The following GSG1L variants were observed in gnomAD, a reference collection of about 807,000 sequenced individuals.
GSG1L encodes GSG1 like.
A neutral mutation model predicts 42.1 loss-of-function variants in GSG1L; 24 were observed. The observed-to-expected ratio is 0.57, with a 90% CI of 0.41 to 0.80. GSG1L has a LOEUF of 0.80. Ranked by LOEUF, GSG1L falls within the 30% of genes least tolerant of loss-of-function variation. GSG1L has a pLI of 0.00. For synonymous variants in GSG1L, 215 were observed against 203.5 expected (o/e 1.06, Z -0.48); for missense variants, 445 against 472.2 (o/e 0.94, Z 0.53).
At chr16:27,792,803 A>C (rs577867849) in intron 6 of GSG1L, among the ~76,000 whole-genome samples, 11 of 152,206 alleles carry the variant, frequency 7.2e-5, no homozygotes, top group African/African-American at 2.6e-4. Context: ...GGTGTGGTGG[A>C]GTGGGGCTGG....
intron 5 of GSG1L, among the ~76,000 whole-genome samples, chr16:27,823,650 A>C (rs705912): frequency 6.6e-6 from 1 of 151,804 alleles, no homozygotes; most frequent in East Asian, 1.9e-4. Context: ...GTCCCACAGA[A>C]TGCATCATAC....
rs914516439 is a variant in GSG1L, at chr16:27,823,168, C to T, written c.830+5621G>A. Among the ~76,000 whole-genome samples, 7 of 152,136 alleles carry T rather than the reference C, an allele frequency of 4.6e-5. No individual in the cohort carries two copies. In the East Asian group the frequency reaches 5.8e-4, roughly 13 times the overall value. On this transcript the variant is annotated intron_variant, in intron 5 of 6. Transcript: ENST00000447459. ...CTCCCCTTGGGAGGCCCGATTAAGA[C>T]GAAGGAGGGGACGACAGGCAGGGTG...
chr16:27,807,020 C>G (rs2082971933), intron 6 of GSG1L, among the ~76,000 whole-genome samples: 1 of 152,234 alleles, frequency 6.6e-6, no homozygotes. Context: ...CTGATCCTGA[C>G]ATTTGTTTTC....
In GSG1L at chr16:27,828,964, G is replaced by A; in HGVS notation, c.663-8C>T. On this transcript the variant is annotated splice_polypyrimidine_tract_variant and splice_region_variant and intron_variant, in intron 4 of 6. Transcript: ENST00000447459. ...AAGGAGCCCCACGCCAGGCTGCCAA[G>A]AGATCAGGAGAGAGATGCCATCGTG... 1.9e-6 allele frequency: 3 copies of A among 1,613,568 alleles called. No individual in the cohort carries two copies. Among genetic ancestry groups the A allele is most frequent in the South Asian group, 1.1e-5 (1 of 91,028 alleles).
At chr16:27,792,624 CA>C (rs2082767977) in intron 6 of GSG1L, among the ~76,000 whole-genome samples, 1 of 152,174 alleles carries the variant, frequency 6.6e-6, no homozygotes, top group African/African-American at 2.4e-5. Context: ...CTCCCCCTGG[CA>C]CTCAGGGATC....
At chr16:27,916,431 T>C (rs986476498) in intron 2 of GSG1L, among the ~76,000 whole-genome samples, 1 of 151,682 alleles carries the variant, frequency 6.6e-6, no homozygotes, top group South Asian at 2.1e-4. Flanking sequence ...TCCTCCCACC[T>C]CAGCCTCCCA....
At chr16:27,850,652 T>TA in intron 3 of GSG1L, 1 of 449,574 alleles carries the variant, frequency 2.2e-6, no homozygotes, top group South Asian at 1.6e-5. Context: ...AGGAGGAGGG[T>TA]AAATGATAGA....
rs117733442 is a variant in GSG1L at position 28,040,793 on chromosome 16, C to T, written c.349+22283G>A. ...CCCAGGCAGGGTAGTGCTGACTGGC[C>T]GCCAGGGCATCTCCTAGAATCAGTT... is the stretch of plus-strand genomic sequence containing the variant. On this transcript the variant is annotated intron_variant, in intron 1 of 6. Transcript: ENST00000447459. This position sits in a 1 kb window ranked among gnomAD's most constrained non-coding sequence, Gnocchi z 4.1. 2.5e-3 allele frequency among the ~76,000 whole-genome samples: 380 copies of T among 152,232 alleles called. 13 individuals carry two copies. The East Asian group carries it at 0.066, about 27-fold the overall frequency.
intron 2 of GSG1L, among the ~76,000 whole-genome samples, chr16:27,947,378 G>A (rs144371550): frequency 3.2e-5 from 3 of 94,138 alleles, no homozygotes; most frequent in Non-Finnish European, 6.5e-5. Context: ...GAGAAAGAAA[G>A]AAAGAAAAAG....
intron 2 of GSG1L, among the ~76,000 whole-genome samples, chr16:27,908,949 C>T (rs1400211008): frequency 6.6e-6 from 1 of 152,186 alleles, no homozygotes; most frequent in Non-Finnish European, 1.5e-5. Flanking sequence ...TCTCTATGCC[C>T]TTACAGCCCC....
At chr16:27,804,070 GATAGATAGAT>G (rs1567460791) in intron 6 of GSG1L, among the ~76,000 whole-genome samples, 1 of 151,632 alleles carries the variant, frequency 6.6e-6, no homozygotes, top group Non-Finnish European at 1.5e-5. Context: ...TAGATAGATA[GATAGATAGAT>G]AAAGAAATAG....
At chr16:27,909,053 T>A (rs1304819115) in intron 2 of GSG1L, among the ~76,000 whole-genome samples, 1 of 152,118 alleles carries the variant, frequency 6.6e-6, no homozygotes, top group Non-Finnish European at 1.5e-5. Flanking sequence ...TCATTTAACA[T>A]TTCTAAACCT....
At chr16:28,012,844 T>C (rs2085737145) in intron 1 of GSG1L, among the ~76,000 whole-genome samples, 1 of 150,814 alleles carries the variant, frequency 6.6e-6, no homozygotes, top group Non-Finnish European at 1.5e-5. Context: ...CTGCAGTGAG[T>C]TATGATCATG....
intron 2 of GSG1L, among the ~76,000 whole-genome samples, chr16:27,941,770 G>A (rs1446953828): frequency 6.6e-6 from 1 of 151,510 alleles, no homozygotes; most frequent in Admixed American, 6.6e-5. Flanking sequence ...TGGCATATTA[G>A]CCTTAGGAAG....
intron 4 of GSG1L, among the ~76,000 whole-genome samples, chr16:27,844,005 G>C (rs542690802): frequency 6.6e-6 from 1 of 152,290 alleles, no homozygotes; most frequent in African/African-American, 2.4e-5. Context: ...GTAAACATGT[G>C]GAGGGTGCCA....
At chr16:27,919,552 C>T (rs1467819215) in intron 2 of GSG1L, among the ~76,000 whole-genome samples, 2 of 152,236 alleles carry the variant, frequency 1.3e-5, no homozygotes, top group Non-Finnish European at 2.9e-5. Context: ...AGAAGGAGAG[C>T]TCCATTTTTT....
At chr16:28,038,892 C>T (rs905500421) in intron 1 of GSG1L, among the ~76,000 whole-genome samples, 9 of 152,182 alleles carry the variant, frequency 5.9e-5, no homozygotes, top group African/African-American at 1.9e-4. Flanking sequence ...ATTGAGTTAT[C>T]GAGATTATCT....
intron 1 of GSG1L, among the ~76,000 whole-genome samples, chr16:28,060,739 A>G (rs115908352): frequency 0.012 from 1,755 of 152,302 alleles, 38 homozygotes; most frequent in African/African-American, 0.04. Context: ...CAAGTACCCT[A>G]GAAGTGTCTG....
chr16:28,057,881 C>T (rs1167449128), intron 1 of GSG1L, among the ~76,000 whole-genome samples: 1 of 152,218 alleles, frequency 6.6e-6, no homozygotes, highest in Non-Finnish European at 1.5e-5. Context: ...ACCATCTGGG[C>T]CCAAACCCTG....
Sources: allele counts gnomAD v4.1 joint callset (sites outside exome capture counted in the v4.1 genomes callset), GRCh38; gene constraint gnomAD v4.1.1; non-coding constraint Gnocchi (gnomAD v3.1); transcripts MANE v1.5; gene names NCBI Gene and HGNC (gene_info 2026-07-23, HGNC 2026-07-21).